Variants in SVOPL observed in about 807,000 individuals in gnomAD.
The protein encoded by SVOPL is putative transporter SVOPL.
In SVOPL, 60 loss-of-function variants were observed where a neutral mutation model predicts 61.0. The ratio of observed to expected loss-of-function variants is 0.98; its 90% CI spans 0.80 to 1.22. The LOEUF (loss-of-function observed/expected upper bound fraction) is 1.22. Among genes scored for constraint, SVOPL ranks in the 50% most tolerant of loss-of-function variants. The pLI is 0.00. For missense variants in SVOPL, 662 were observed against 643.9 expected, an observed-to-expected ratio of 1.03 and a Z score of -0.30; for synonymous variants, 279 against 250.0, an observed-to-expected ratio of 1.12 and a Z score of -1.09.
At chr7:138,615,834 A>C (rs1287659823) in intron 14 of SVOPL, among the ~76,000 whole-genome samples, 1 of 150,854 alleles carries the variant, frequency 6.6e-6, no homozygotes, top group Non-Finnish European at 1.5e-5. Flanking sequence ...CACCCAGTTT[A>C]AGAAAGGAAA....
chr7:138,656,495 C>A lies in SVOPL; in HGVS notation c.487G>T (p.Glu163Ter). The A allele has an allele frequency of 1.2e-6, 2 of 1,613,974 alleles. No homozygotes were observed. The highest frequency in any genetic ancestry group is 1.7e-6 in the Non-Finnish European group (2 of 1,179,978). The change falls in exon 7 of 16, where the codon GAA (glutamate) becomes TAA (stop). Residue 163 changes from glutamate to a stop codon, truncating the protein, a stop_gained. Coordinates refer to ENST00000674285, the MANE Select transcript of SVOPL (RefSeq NM_001139456.2). LOFTEE classifies it high-confidence loss of function. ...GHSQGLIIKT[E>*]FLPTKYRGYM... is the part of the protein sequence containing the mutation. ...CCTCGGTATTTCGTGGGCAAAAATT[C>A]AGTCTTTATGATTAACCTAAACAGG... is the stretch of plus-strand genomic sequence containing the variant.
At position 138,649,126 on chromosome 7, in the gene SVOPL, A is replaced by C. The variant is rs1801293535; in HGVS notation, c.546T>G (p.Leu182=). ...YMLPLSQVFW[L]AGSLLIIGLA... ...AGCCAATGATGAGCAGGGAGCCCGC[A>C]AGCCAGAACACCTAGGAAGAGAGAA... Residue 182 remains leucine (L), a synonymous_variant, in exon 8 of 16, where the codon CTT becomes CTG. Transcript: ENST00000674285. 6.2e-7 allele frequency: 1 copy of C among 1,613,588 alleles called. No individual in the cohort carries two copies. Among genetic ancestry groups the C allele is most frequent in the South Asian group, 1.1e-5 (1 of 91,022 alleles).
intron 1 of SVOPL, among the ~76,000 whole-genome samples, chr7:138,695,371 G>A: frequency 6.6e-6 from 1 of 152,106 alleles, no homozygotes; most frequent in Non-Finnish European, 1.5e-5. Context: ...AATTCAGTGG[G>A]TGTGGTGGAG....
intron 14 of SVOPL, among the ~76,000 whole-genome samples, chr7:138,612,429 T>TAA (rs1799084478): frequency 1.3e-5 from 1 of 78,076 alleles, no homozygotes; most frequent in Non-Finnish European, 2.6e-5. Context: ...AAAAATAAAA[T>TAA]AAAAAATAAA....
chr7:138,648,905 AAG>A (rs1801274630), intron 8 of SVOPL, 105 bp downstream of exon 8: 2 of 1,523,402 alleles, frequency 1.3e-6, no homozygotes, highest in East Asian at 2.3e-5. Flanking sequence ...CTGGACAACA[AAG>A]AGAGACTCTG....
intron 1 of SVOPL, among the ~76,000 whole-genome samples, chr7:138,700,525 G>C (rs1320391845): frequency 1.3e-5 from 2 of 151,886 alleles, no homozygotes. Flanking sequence ...ATTTTTAGTA[G>C]AGACGGGGTT....
chr7:138,644,953 G>C (rs529661738), intron 8 of SVOPL, 108 bp from the exon 9 acceptor site: 2 of 1,430,362 alleles, frequency 1.4e-6, no homozygotes, highest in East Asian at 2.3e-5. Context: ...GATAGGAAAA[G>C]TATGTAACCA....
chr7:138,694,825 G>T (rs998266385), intron 1 of SVOPL, among the ~76,000 whole-genome samples: 3 of 151,846 alleles, frequency 2.0e-5, no homozygotes, highest in Non-Finnish European at 4.4e-5. Flanking sequence ...TGCAACCTCC[G>T]CCTCCTGGGT....
At chr7:138,662,592 G>C in intron 5 of SVOPL, 5 of 987,380 alleles carry the variant, frequency 5.1e-6, no homozygotes, top group Non-Finnish European at 6.0e-6. Context: ...AGGGCTAAGG[G>C]GCCTTTTCCA....
In SVOPL at chr7:138,685,118, G is replaced by A. The variant is rs535312013; in HGVS notation, c.-34-6039C>T. Reference sequence around the variant, plus strand: ...CAGCTAATTTTGTATTTTTAGTAGAGACAGGGTTTCACCATGTTGGTCAGG... The same window carrying A: ...CAGCTAATTTTGTATTTTTAGTAGAAACAGGGTTTCACCATGTTGGTCAGG... On this transcript the variant is annotated intron_variant, in intron 1 of 15. Coordinates refer to ENST00000674285, the MANE Select transcript of SVOPL (RefSeq NM_001139456.2). 1.4e-4 allele frequency among the ~76,000 whole-genome samples: 22 copies of A among 152,086 alleles called. No homozygotes were observed. In the South Asian group the frequency reaches 2.9e-3, roughly 20 times the overall value.
chr7:138,628,058 G>T, intron 11 of SVOPL, 100 bp downstream of exon 11: 2 of 1,355,660 alleles, frequency 1.5e-6, no homozygotes, highest in Non-Finnish European at 2.1e-6. Context: ...AGTTCTGCTA[G>T]GCAGGAGCGG....
chr7:138,671,333 T>C (rs1165118653), intron 4 of SVOPL, among the ~76,000 whole-genome samples: 1 of 152,184 alleles, frequency 6.6e-6, no homozygotes. Context: ...CAAAACTTGA[T>C]GTGCAACTCA....
chr7:138,656,628 A>G (rs1801748024), intron 6 of SVOPL, 117 bp from the exon 7 acceptor site: 2 of 1,051,566 alleles, frequency 1.9e-6, no homozygotes, highest in Non-Finnish European at 2.8e-6. Context: ...GAAGTTGATT[A>G]TATATCAGAA....
At chr7:138,663,888 C>T (rs1802125456) in intron 4 of SVOPL, among the ~76,000 whole-genome samples, 1 of 152,120 alleles carries the variant, frequency 6.6e-6, no homozygotes, top group Non-Finnish European at 1.5e-5. Context: ...GCTCTGTTTC[C>T]CTTTCGCTGT....
chr7:138,639,636 AAGAAG>A (rs1584816766), intron 9 of SVOPL, among the ~76,000 whole-genome samples: 2 of 152,052 alleles, frequency 1.3e-5, no homozygotes, highest in Admixed American at 6.5e-5. Context: ...AAAAAAAGAA[AAGAAG>A]AGAAAAGAAT....
chr7:138,688,652 T>C (rs1802873320), intron 1 of SVOPL, among the ~76,000 whole-genome samples: 1 of 152,102 alleles, frequency 6.6e-6, no homozygotes, highest in Admixed American at 6.6e-5. Context: ...CAAGTGTTAG[T>C]GAAGATGTGG....
At chr7:138,667,746 C>T (rs1472327655) in intron 4 of SVOPL, among the ~76,000 whole-genome samples, 1 of 152,172 alleles carries the variant, frequency 6.6e-6, no homozygotes, top group African/African-American at 2.4e-5. Flanking sequence ...TTGAAACTGA[C>T]ACTGCAAAAT....
chr7:138,659,755 A>G (rs1003086382), intron 6 of SVOPL, 109 bp downstream of exon 6: 30 of 1,088,216 alleles, frequency 2.8e-5, no homozygotes, highest in Non-Finnish European at 3.8e-5. Flanking sequence ...AACCTGTCTC[A>G]GATATGTTGG....
At chr7:138,605,532 G>T (rs1296412627) in intron 14 of SVOPL, among the ~76,000 whole-genome samples, 1 of 151,342 alleles carries the variant, frequency 6.6e-6, no homozygotes, top group African/African-American at 2.4e-5. Flanking sequence ...CGTGGTGGCA[G>T]GCGCCTATAA....
Sources: gnomAD v4.1 joint callset for allele counts (sites outside exome capture counted in the v4.1 genomes callset) on GRCh38, gnomAD v4.1.1 for gene constraint, MANE v1.5 for transcripts, NCBI Gene and HGNC (gene_info 2026-07-23, HGNC 2026-07-21) for gene names.